The following CEP112 variants were observed in gnomAD, a reference collection of about 807,000 sequenced individuals.
The protein encoded by CEP112 is centrosomal protein 112, also known as centrosomal protein of 112 kDa.
In CEP112, 127 loss-of-function variants were observed where a neutral mutation model predicts 153.0. The ratio of observed to expected loss-of-function variants is 0.83; its 90% CI spans 0.72 to 0.96. The LOEUF is 0.96. Ranked by LOEUF, CEP112 falls within the 40% of genes least tolerant of loss-of-function variation. The probability of loss-of-function intolerance (pLI) is 0.00; values close to 1 mark genes in which losing one functional copy is unlikely to be tolerated. For missense variants in CEP112, 1,089 were observed against 1,101.2 expected (o/e 0.99, Z 0.16); for synonymous variants, 358 against 374.4 (o/e 0.96, Z 0.51).
intron 8 of CEP112, among the ~76,000 whole-genome samples, chr17:66,082,558 T>C (rs1434876901): frequency 1.3e-5 from 2 of 152,058 alleles, no homozygotes; most frequent in Non-Finnish European, 2.9e-5. Flanking sequence ...AGGTCAGGAG[T>C]TCGAGACCAG....
intron 24 of CEP112, chr17:65,644,489 C>A: frequency 2.9e-6 from 1 of 345,826 alleles, no homozygotes; most frequent in Non-Finnish European, 5.5e-6. Flanking sequence ...GGATGGCAGC[C>A]AGCTCATACA....
intron 4 of CEP112, among the ~76,000 whole-genome samples, chr17:66,140,848 T>C (rs549408572): frequency 6.6e-6 from 1 of 152,156 alleles, no homozygotes; most frequent in East Asian, 1.9e-4. Context: ...GGTTTTGCCA[T>C]GTTGGTCAGG....
chr17:65,837,673 A>G (rs1199648946), intron 21 of CEP112, among the ~76,000 whole-genome samples: 1 of 152,228 alleles, frequency 6.6e-6, no homozygotes, highest in Non-Finnish European at 1.5e-5. Context: ...GAAAAGAAAG[A>G]CAGATCAGAT....
At chr17:65,850,539 T>A (rs371316923) in intron 21 of CEP112, among the ~76,000 whole-genome samples, 50 of 152,328 alleles carry the variant, frequency 3.3e-4, no homozygotes, top group Middle Eastern at 3.4e-3. Flanking sequence ...TTCCTCTATA[T>A]TTTTGCAACA....
chr17:65,651,755 C>A (rs2045793661), intron 24 of CEP112, among the ~76,000 whole-genome samples: 1 of 151,852 alleles, frequency 6.6e-6, no homozygotes, highest in Admixed American at 6.6e-5. Flanking sequence ...GGCAGAAGTG[C>A]AGTGTCATGG....
At chr17:66,055,080 T>C (rs987021910) in intron 11 of CEP112, among the ~76,000 whole-genome samples, 5 of 152,030 alleles carry the variant, frequency 3.3e-5, no homozygotes, top group Admixed American at 6.6e-5. Flanking sequence ...TTTGATTCAC[T>C]ACCTATAAAT....
chr17:66,087,565 T>C (rs1166829071), intron 8 of CEP112, among the ~76,000 whole-genome samples: 2 of 152,116 alleles, frequency 1.3e-5, no homozygotes, highest in African/African-American at 4.8e-5. Context: ...AAAGCCTGAG[T>C]CTAATGTCAG....
rs9893146 is a variant in CEP112, at chr17:65,835,834, T to C, written c.2394+15970A>G. ...AGACACATTCAGAATAGTCTAATAC[T>C]GGAATGGAAGCACTTAAACCACTAT... On this transcript the variant is annotated intron_variant, in intron 21 of 26. Transcript: ENST00000535342. Among the ~76,000 whole-genome samples, 481 of 152,300 alleles carry C rather than the reference T, an allele frequency of 3.2e-3. 3 individuals carry two copies. Among genetic ancestry groups the C allele is most frequent in the African/African-American group, 0.011 (455 of 41,558 alleles).
chr17:66,161,253 A>C (rs2071690174), intron 4 of CEP112, among the ~76,000 whole-genome samples: 1 of 152,218 alleles, frequency 6.6e-6, no homozygotes, highest in African/African-American at 2.4e-5. Context: ...AATTAGTTCA[A>C]CCATTGCAGA....
intron 18 of CEP112, among the ~76,000 whole-genome samples, chr17:65,930,077 C>T (rs7224793): frequency 0.48 from 72,784 of 151,988 alleles, 18,422 homozygotes; most frequent in East Asian, 0.89. Flanking sequence ...CAATTACCAG[C>T]TAACGTGGCA....
At chr17:66,186,972 T>C (rs1408661933) in intron 1 of CEP112, among the ~76,000 whole-genome samples, 1 of 152,210 alleles carries the variant, frequency 6.6e-6, no homozygotes, top group Non-Finnish European at 1.5e-5. Flanking sequence ...TCTGCTCCTG[T>C]ATCAGACGCA....
At chr17:66,033,111 A>C (rs2145753552) in intron 12 of CEP112, among the ~76,000 whole-genome samples, 1 of 152,332 alleles carries the variant, frequency 6.6e-6, no homozygotes, top group East Asian at 1.9e-4. Context: ...TGATTAAGGG[A>C]AAGAAATAAC....
chr17:65,905,721 A>T (rs1316191114), intron 19 of CEP112, among the ~76,000 whole-genome samples: 1 of 152,186 alleles, frequency 6.6e-6, no homozygotes, highest in African/African-American at 2.4e-5. Context: ...CGAGGTCAGG[A>T]GGTCAAGACC....
intron 1 of CEP112, among the ~76,000 whole-genome samples, chr17:66,187,991 T>A (rs1404440848): frequency 6.6e-6 from 1 of 152,042 alleles, no homozygotes; most frequent in Non-Finnish European, 1.5e-5. Flanking sequence ...CTGAGAAATA[T>A]CTCAAAATCT....
At chr17:65,881,090 T>C (rs9903181) in intron 20 of CEP112, among the ~76,000 whole-genome samples, 1,579 of 152,182 alleles carry the variant, frequency 0.01, 31 homozygotes, top group African/African-American at 0.036. Flanking sequence ...TGGCATGCGC[T>C]TGTAGTCCCA....
In CEP112 at chr17:65,933,500, A is replaced by G. The variant is rs143669124; in HGVS notation, c.1873-5811T>C. Among the ~76,000 whole-genome samples the G allele has an allele frequency of 7.7e-4, 118 of 152,300 alleles. 1 individual carries two copies. Among genetic ancestry groups the G allele is most frequent in the African/African-American group, 2.7e-3 (112 of 41,538 alleles). ...GCTATCAGCAGATTTCTCAGCAGAA[A>G]CCCTGCATGCCAGGAGACAGTGGGA... On this transcript the variant is annotated intron_variant, in intron 18 of 26. Coordinates refer to ENST00000535342, the MANE Select transcript of CEP112 (RefSeq NM_001199165.4).
chr17:66,179,533 G>GATTTT (rs1381765708), intron 2 of CEP112, among the ~76,000 whole-genome samples: 1 of 151,950 alleles, frequency 6.6e-6, no homozygotes, highest in African/African-American at 2.4e-5. Context: ...TTTGTATGTT[G>GATTTT]ATTTTGTACC....
At chr17:66,138,058 CAATCAATGA>C (rs1206637505) in intron 4 of CEP112, among the ~76,000 whole-genome samples, 1 of 152,146 alleles carries the variant, frequency 6.6e-6, no homozygotes, top group African/African-American at 2.4e-5. Context: ...CACAGAAAGT[CAATCAATGA>C]GATCAATGAG....
chr17:66,155,890 C>A (rs959623739), intron 4 of CEP112, among the ~76,000 whole-genome samples: 1 of 152,196 alleles, frequency 6.6e-6, no homozygotes, highest in African/African-American at 2.4e-5. Context: ...CAGTCAGGGG[C>A]TTATAGATAA....
Sources: gnomAD v4.1 joint callset for allele counts (sites outside exome capture counted in the v4.1 genomes callset) on GRCh38, gnomAD v4.1.1 for gene constraint, MANE v1.5 for transcripts, NCBI Gene and HGNC (gene_info 2026-07-23, HGNC 2026-07-21) for gene names.